ADGRG2: variants seen among roughly 807,000 people sequenced by gnomAD.
ADGRG2 encodes G protein-coupled receptor 64.
A neutral mutation model predicts 74.1 loss-of-function variants in ADGRG2; 26 were observed. The ratio of observed to expected loss-of-function variants is 0.35; its 90% CI spans 0.26 to 0.49. ADGRG2 has a LOEUF of 0.49. Among genes scored for constraint, ADGRG2 ranks in the 20% least tolerant of loss-of-function variants. ADGRG2 has a pLI of 0.99. For missense variants in ADGRG2, 619 were observed against 763.1 expected, an observed-to-expected ratio of 0.81 and a Z score of 2.22; for synonymous variants, 296 against 295.2, an observed-to-expected ratio of 1.00 and a Z score of -0.03.
intron 11 of ADGRG2, among the ~76,000 whole-genome samples, chrX:19,025,725 G>A (rs1206409198): frequency 1.0e-4 from 11 of 110,456 alleles, no homozygotes; most frequent in Non-Finnish European, 1.7e-4. Context: ...GCAAAACCCC[G>A]TCTCTACTAA....
intron 3 of ADGRG2, among the ~76,000 whole-genome samples, chrX:19,054,781 G>A (rs2061382066): frequency 8.9e-6 from 1 of 112,161 alleles, no homozygotes; most frequent in East Asian, 2.8e-4. Context: ...TGGGACAGAA[G>A]AGAGTTTCCT....
At chrX:19,048,280 T>G (rs148053153) in intron 3 of ADGRG2, among the ~76,000 whole-genome samples, 169 of 112,595 alleles carry the variant, frequency 1.5e-3, no homozygotes, top group African/African-American at 5.1e-3. Flanking sequence ...CTGGGAAGAT[T>G]AGAGCCCCCA....
chrX:19,033,192 T>C (rs1444771893), intron 8 of ADGRG2: 1 of 126,296 alleles, frequency 7.9e-6, no homozygotes, highest in Non-Finnish European at 1.6e-5. Flanking sequence ...ATCACTGCAC[T>C]GTAGCCTGGG....
At chrX:19,091,937 T>C (rs2062023268) in intron 1 of ADGRG2, among the ~76,000 whole-genome samples, 1 of 112,276 alleles carries the variant, frequency 8.9e-6, no homozygotes, top group African/African-American at 3.2e-5. Context: ...CTGAGCAGTA[T>C]TTGGGAGGAA....
rs777690069 is a variant in ADGRG2, at chrX:19,010,669, G to T, written c.1209C>A (p.Asn403Lys). The T allele has an allele frequency of 8.3e-7, 1 of 1,207,657 alleles. No homozygotes were observed. Among genetic ancestry groups the T allele is most frequent in the East Asian group, 3.0e-5 (1 of 33,684 alleles). The change falls in exon 17 of 29, where the codon AAC (asparagine) becomes AAA (lysine). Residue 403 changes from asparagine (N) to lysine (K), a missense_variant. Physicochemically the swap from Asn to Lys is moderately conservative, Grantham distance 94. Coordinates refer to ENST00000379869, the MANE Select transcript of ADGRG2 (RefSeq NM_001079858.3). Reference protein sequence around the residue: ...LEPNLAGEMINQVSRLLHSPP... With the variant: ...LEPNLAGEMIKQVSRLLHSPP... ...GGGAATGAAGGAGTCTGCTGACTTG[G>T]TTGATCATTTCTCCTGCGAGGTTAG...
intron 2 of ADGRG2, among the ~76,000 whole-genome samples, chrX:19,079,144 C>A (rs2061802824): frequency 9.0e-6 from 1 of 111,306 alleles, no homozygotes; most frequent in Admixed American, 9.6e-5. Flanking sequence ...AAAACTTGTC[C>A]CACAAAGAAA....
At position 19,070,029 on chromosome X, in the gene ADGRG2, G is replaced by A. The variant is rs181914032; in HGVS notation, c.-1-1194C>T. The stretch of plus-strand genomic sequence containing the variant: ...CGGGCAACCTGTAGACGCTGCTGTG[G>A]GCCTGCACAGAGTCCTGCTCCTGCT... On this transcript the variant is annotated intron_variant, in intron 2 of 28. Transcript: ENST00000379869. Among the ~76,000 whole-genome samples, 16 of 111,924 alleles carry A rather than the reference G, an allele frequency of 1.4e-4. 1 individual carries two copies. Among genetic ancestry groups the A allele is most frequent in the Admixed American group, 1.4e-3 (15 of 10,636 alleles).
At chrX:18,998,748 A>G (rs983192971) in intron 26 of ADGRG2, among the ~76,000 whole-genome samples, 4 of 110,821 alleles carry the variant, frequency 3.6e-5, no homozygotes, top group Non-Finnish European at 5.7e-5. Context: ...TTTAAGTTAA[A>G]GTATGTACAT....
At chrX:19,021,818 T>C (rs1343238235) in intron 13 of ADGRG2, among the ~76,000 whole-genome samples, 3 of 109,865 alleles carry the variant, frequency 2.7e-5, no homozygotes, top group Non-Finnish European at 5.7e-5. Flanking sequence ...CCACTAATTT[T>C]TGTATTTTCA....
intron 3 of ADGRG2, among the ~76,000 whole-genome samples, chrX:19,065,115 TA>T (rs2146889706): frequency 9.3e-6 from 1 of 107,194 alleles, no homozygotes; most frequent in African/African-American, 3.4e-5. Context: ...ACAAAAAATT[TA>T]AAAAATTAGT....
chrX:19,102,098 T>G (rs764473953), intron 1 of ADGRG2, among the ~76,000 whole-genome samples: 134 of 105,920 alleles, frequency 1.3e-3, no homozygotes, highest in African/African-American at 4.3e-3. Flanking sequence ...TTGCCGGGTG[T>G]GGTGGCTCAC....
chrX:19,035,190 G>C (rs990817121), intron 7 of ADGRG2: 1 of 112,048 alleles, frequency 8.9e-6, no homozygotes. Context: ...CAGGAATGTC[G>C]CTAGGCACGA....
intron 1 of ADGRG2, among the ~76,000 whole-genome samples, chrX:19,087,858 C>T (rs1227659970): frequency 3.6e-5 from 4 of 111,456 alleles, no homozygotes; most frequent in South Asian, 3.9e-4. Flanking sequence ...TTCTCTTCTA[C>T]TCTCTTTCAC....
chrX:19,020,209 G>A (rs1390358754), intron 14 of ADGRG2, among the ~76,000 whole-genome samples: 1 of 111,933 alleles, frequency 8.9e-6, no homozygotes, highest in Non-Finnish European at 1.9e-5. Context: ...AAAGTGCTTA[G>A]AGAGTAGACC....
At chrX:19,008,839 G>A (rs900966912) in intron 18 of ADGRG2, among the ~76,000 whole-genome samples, 3 of 111,521 alleles carry the variant, frequency 2.7e-5, no homozygotes, top group Admixed American at 9.5e-5. Flanking sequence ...AGTCCTCATA[G>A]AACCATGTGC....
intron 1 of ADGRG2, among the ~76,000 whole-genome samples, chrX:19,103,148 C>T (rs750855067): frequency 8.0e-4 from 89 of 111,298 alleles, no homozygotes; most frequent in Non-Finnish European, 1.5e-3. Context: ...GGTAAAGAGG[C>T]CAGCCAAAAT....
chrX:19,099,689 T>C (rs1448441659), intron 1 of ADGRG2, among the ~76,000 whole-genome samples: 3 of 112,018 alleles, frequency 2.7e-5, no homozygotes, highest in Non-Finnish European at 5.6e-5. Context: ...GCTAAAAACC[T>C]GGGTTGTATT....
At chrX:19,115,628 A>C (rs1360749175) in intron 1 of ADGRG2, among the ~76,000 whole-genome samples, 1 of 111,046 alleles carries the variant, frequency 9.0e-6, no homozygotes, top group African/African-American at 3.3e-5. Context: ...AATAGGGAGT[A>C]AAGGAGGTAC....
chrX:19,122,648 A>G (rs1392818864), upstream of ADGRG2: 2 of 107,901 alleles, frequency 1.9e-5, no homozygotes, highest in East Asian at 5.9e-4. Flanking sequence ...GGAGGTGGGG[A>G]GCGGGCGGGG....
Sources: allele counts gnomAD v4.1 joint callset (sites outside exome capture counted in the v4.1 genomes callset), GRCh38; gene constraint gnomAD v4.1.1; transcripts MANE v1.5; gene names NCBI Gene and HGNC (gene_info 2026-07-23, HGNC 2026-07-21).